The following KCNQ5 variants were observed in gnomAD, a reference collection of about 807,000 sequenced individuals.
KCNQ5 encodes potassium voltage-gated channel subfamily KQT member 5.
In KCNQ5, 30 loss-of-function variants were observed where a neutral mutation model predicts 98.2. The ratio of observed to expected loss-of-function variants is 0.31; its 90% CI spans 0.23 to 0.41. The LOEUF is 0.41. Among genes scored for constraint, KCNQ5 ranks in the 10% least tolerant of loss-of-function variants. The probability of loss-of-function intolerance (pLI) is 1.00; values close to 1 mark genes in which losing one functional copy is unlikely to be tolerated. For missense variants in KCNQ5, 835 were observed against 1,182.5 expected (o/e 0.71, Z 4.31); for synonymous variants, 458 against 449.4 (o/e 1.02, Z -0.24).
Position 73,192,674 on chromosome 6 carries a change from G to A in KCNQ5, c.1819G>A (p.Val607Ile), listed in dbSNP as rs1765635331. The A allele has an allele frequency of 6.3e-7, 1 of 1,593,580 alleles. No individual in the cohort carries two copies. The highest frequency in any genetic ancestry group is 2.3e-5 in the East Asian group (1 of 44,064). ...TDDLSMLGRV[V>I]KVEKQVQSIE... ...CGATCTCAGTATGCTCGGTCGGGTG[G>A]TCAAGGTTGAAAAACAGGTACAACT... Residue 607 changes from valine (V) to isoleucine (I), a missense_variant, in exon 13 of 14, where the codon GTC becomes ATC. By Grantham distance (29) the Val-to-Ile change is conservative (BLOSUM62 3). Transcript: ENST00000370398.
At chr6:73,053,228 G>T (rs1195636403) in intron 3 of KCNQ5, among the ~76,000 whole-genome samples, 1 of 152,070 alleles carries the variant, frequency 6.6e-6, no homozygotes, top group Non-Finnish European at 1.5e-5. Context: ...TCCAAAACAG[G>T]AGCACCCAAA....
At chr6:73,179,773 T>C (rs1778341028) in intron 11 of KCNQ5, among the ~76,000 whole-genome samples, 1 of 152,144 alleles carries the variant, frequency 6.6e-6, no homozygotes, top group South Asian at 2.1e-4. Context: ...TCATTTCTGA[T>C]CACCTCTACC....
At chr6:73,031,997 C>T (rs1771172699) in intron 2 of KCNQ5, among the ~76,000 whole-genome samples, 1 of 152,148 alleles carries the variant, frequency 6.6e-6, no homozygotes, top group Non-Finnish European at 1.5e-5. Flanking sequence ...ATGCCCAGCC[C>T]TGACCTGCCT....
At chr6:73,024,381 T>TAGATAGATTAGATAGATAGATA (rs57909943) in intron 2 of KCNQ5, among the ~76,000 whole-genome samples, 1 of 120,544 alleles carries the variant, frequency 8.3e-6, no homozygotes, top group Admixed American at 8.7e-5. Context: ...GATAGATAGA[T>TAGATAGATTAGATAGATAGATA]GATAGATAGA....
At chr6:72,890,985 G>C (rs1779035689) in intron 1 of KCNQ5, among the ~76,000 whole-genome samples, 1 of 152,214 alleles carries the variant, frequency 6.6e-6, no homozygotes, top group African/African-American at 2.4e-5. Context: ...AAATGGGAAA[G>C]GTGCTGGAAG....
chr6:72,676,413 T>C (rs982870945), intron 1 of KCNQ5, among the ~76,000 whole-genome samples: 1 of 152,202 alleles, frequency 6.6e-6, no homozygotes, highest in Non-Finnish European at 1.5e-5. Flanking sequence ...TGAGTCAGAA[T>C]ATGCTCAGGG....
chr6:72,955,907 G>A (rs1767020376), intron 1 of KCNQ5, among the ~76,000 whole-genome samples: 1 of 152,076 alleles, frequency 6.6e-6, no homozygotes, highest in African/African-American at 2.4e-5. Context: ...GTGACACAGA[G>A]TGAGACTCCA....
At chr6:72,994,285 C>T (rs1233092022) in intron 1 of KCNQ5, among the ~76,000 whole-genome samples, 11 of 49,976 alleles carry the variant, frequency 2.2e-4, no homozygotes, top group Non-Finnish European at 3.3e-4. Context: ...AGTTTGATCT[C>T]AGACTGCTGT....
intron 10 of KCNQ5, among the ~76,000 whole-genome samples, chr6:73,157,321 A>G (rs1777402668): frequency 6.6e-6 from 1 of 152,158 alleles, no homozygotes; most frequent in Non-Finnish European, 1.5e-5. Flanking sequence ...TTGAGTGTGC[A>G]GAAAAGGGCT....
chr6:72,845,775 C>T (rs1404347584), intron 1 of KCNQ5, among the ~76,000 whole-genome samples: 6 of 151,942 alleles, frequency 3.9e-5, no homozygotes, highest in East Asian at 3.9e-4. Context: ...ATTTGAATTT[C>T]GTTATGTTAT....
intron 7 of KCNQ5, among the ~76,000 whole-genome samples, chr6:73,116,084 A>T (rs1042387092): frequency 4.6e-5 from 7 of 152,210 alleles, no homozygotes; most frequent in Non-Finnish European, 7.3e-5. Context: ...CAAATCAAGA[A>T]ATTAAAATAG....
intron 6 of KCNQ5, among the ~76,000 whole-genome samples, chr6:73,107,489 A>T (rs1050315378): frequency 6.6e-6 from 1 of 152,220 alleles, no homozygotes; most frequent in Non-Finnish European, 1.5e-5. Flanking sequence ...AGTGTTCAAA[A>T]TGTGTATCCT....
At chr6:72,818,194 T>C (rs1775587207) in intron 1 of KCNQ5, among the ~76,000 whole-genome samples, 1 of 152,192 alleles carries the variant, frequency 6.6e-6, no homozygotes, top group East Asian at 1.9e-4. Context: ...TAAACTTGTA[T>C]TAAATGTGAA....
chr6:73,035,125 G>A (rs1012143662), intron 2 of KCNQ5, among the ~76,000 whole-genome samples: 2 of 152,036 alleles, frequency 1.3e-5, no homozygotes, highest in African/African-American at 4.8e-5. Flanking sequence ...GATTACAGGT[G>A]TGAACCACCG....
chr6:72,645,685 G>C (rs912053792), intron 1 of KCNQ5, among the ~76,000 whole-genome samples: 6 of 152,052 alleles, frequency 3.9e-5, no homozygotes, highest in Non-Finnish European at 7.4e-5. Flanking sequence ...GGCCCACTCA[G>C]AGTTCTTGGA....
intron 10 of KCNQ5, among the ~76,000 whole-genome samples, chr6:73,160,791 C>G (rs997636500): frequency 2.6e-5 from 4 of 152,162 alleles, no homozygotes; most frequent in Non-Finnish European, 5.9e-5. Flanking sequence ...ACATCGCATT[C>G]TTCCAGAGAG....
chr6:72,845,804 T>G (rs546880274), intron 1 of KCNQ5, among the ~76,000 whole-genome samples: 15 of 152,302 alleles, frequency 9.8e-5, no homozygotes, highest in African/African-American at 3.6e-4. Flanking sequence ...TTCAGTTTAA[T>G]CCCAAATTAG....
At chr6:72,765,710 A>G (rs1359844657) in intron 1 of KCNQ5, among the ~76,000 whole-genome samples, 1 of 152,008 alleles carries the variant, frequency 6.6e-6, no homozygotes, top group Admixed American at 6.6e-5. Context: ...TAAGCTGTTT[A>G]GATTATATTA....
At position 73,144,610 on chromosome 6, in the gene KCNQ5, G is replaced by A. The variant is rs199587232; in HGVS notation, c.1468+10969G>A. On this transcript the variant is annotated intron_variant, in intron 10 of 13. Coordinates refer to ENST00000370398, the MANE Select transcript of KCNQ5 (RefSeq NM_019842.4). ...ATCTCTTCATGTTATCTGTTGCATA[G>A]CTAACCCTCTCCCTCAGATTTAGTG... 2.0e-5 allele frequency among the ~76,000 whole-genome samples: 3 copies of A among 152,154 alleles called. No homozygotes were observed. In the East Asian group the frequency reaches 5.8e-4, roughly 29 times the overall value.
Sources: allele counts gnomAD v4.1 joint callset (sites outside exome capture counted in the v4.1 genomes callset), GRCh38; gene constraint gnomAD v4.1.1; transcripts MANE v1.5; gene names NCBI Gene and HGNC (gene_info 2026-07-23, HGNC 2026-07-21).